The following WWOX variants were observed in gnomAD, a reference collection of about 807,000 sequenced individuals.
WWOX encodes WW domain-containing oxidoreductase.
Under a neutral mutation model 46.2 loss-of-function variants are expected in WWOX, and 69 were observed. The observed-to-expected ratio is 1.49, with a 90% CI of 1.23 to 1.82. WWOX has a LOEUF of 1.82. WWOX is among the 40% of genes most tolerant of loss of function. The probability of loss-of-function intolerance (pLI) is 0.00; values close to 1 mark genes in which losing one functional copy is unlikely to be tolerated. For synonymous variants in WWOX, 359 were observed against 202.6 expected (o/e 1.77, Z -6.56); for missense variants, 919 against 542.6 (o/e 1.69, Z -6.89).
intron 8 of WWOX, among the ~76,000 whole-genome samples, chr16:78,618,035 C>T (rs888237650): frequency 6.6e-6 from 1 of 152,144 alleles, no homozygotes; most frequent in Non-Finnish European, 1.5e-5. Context: ...ATGTAGTGTT[C>T]AGTGCTATTC....
chr16:78,545,070 C>T (rs539132983), intron 8 of WWOX, among the ~76,000 whole-genome samples: 12 of 152,268 alleles, frequency 7.9e-5, no homozygotes, highest in South Asian at 2.1e-4. Context: ...GCAAACCAAA[C>T]GTGAATTAAG....
intron 8 of WWOX, among the ~76,000 whole-genome samples, chr16:79,045,057 C>T (rs1020052278): frequency 6.6e-6 from 1 of 152,212 alleles, no homozygotes; most frequent in Non-Finnish European, 1.5e-5. Flanking sequence ...GAAAGATCAG[C>T]TCTGCTCCTG....
chr16:78,589,717 A>G (rs1227252815), intron 8 of WWOX, among the ~76,000 whole-genome samples: 1 of 152,214 alleles, frequency 6.6e-6, no homozygotes, highest in Non-Finnish European at 1.5e-5. Flanking sequence ...GTAAAACTGT[A>G]GCTTACAGTG....
chr16:78,910,619 A>T (rs964661710), intron 8 of WWOX, among the ~76,000 whole-genome samples: 2 of 152,112 alleles, frequency 1.3e-5, no homozygotes, highest in Admixed American at 1.3e-4. Context: ...TGGACTCACA[A>T]TTCCACATGG....
intron 8 of WWOX, among the ~76,000 whole-genome samples, chr16:79,067,111 C>T (rs1321399445): frequency 6.6e-6 from 1 of 152,202 alleles, no homozygotes; most frequent in African/African-American, 2.4e-5. Context: ...TAGCTGGATG[C>T]AATCCTTGGA....
intron 6 of WWOX, among the ~76,000 whole-genome samples, chr16:78,415,138 AG>A (rs2082769237): frequency 6.6e-6 from 1 of 150,398 alleles, no homozygotes; most frequent in East Asian, 1.9e-4. Context: ...ACTATAAACA[AG>A]GGGTAGATTA....
rs145178456 is a variant in WWOX, at chr16:78,844,729, A to G, written c.1057-366879A>G. Among the ~76,000 whole-genome samples, 1,281 of 152,320 alleles carry G rather than the reference A, an allele frequency of 8.4e-3. 25 individuals carry two copies. The highest frequency in any genetic ancestry group is 0.029 in the African/African-American group (1,221 of 41,568). ...TAAGCTGGGCAACTGTCTGCCTTAC[A>G]AGATGCGTCTGGAAACCCCAGTGCC... On this transcript the variant is annotated intron_variant, in intron 8 of 8. Coordinates refer to ENST00000566780, the MANE Select transcript of WWOX (RefSeq NM_016373.4).
intron 8 of WWOX, chr16:78,895,966 G>A (rs1415481161): frequency 3.3e-5 from 5 of 152,086 alleles, no homozygotes; most frequent in African/African-American, 1.2e-4. Context: ...AACATCCCAG[G>A]AAACAGATAC....
intron 8 of WWOX, among the ~76,000 whole-genome samples, chr16:78,449,743 A>T (rs1158723187): frequency 1.3e-5 from 2 of 152,226 alleles, no homozygotes; most frequent in Admixed American, 1.3e-4. Context: ...GAATAAACAA[A>T]CTGGTAGATA....
chr16:78,542,046 A>AAAAAAAAAAT (rs2043910098), intron 8 of WWOX, among the ~76,000 whole-genome samples: 1 of 145,594 alleles, frequency 6.9e-6, no homozygotes, highest in Admixed American at 6.9e-5. Context: ...AAAAAAAAAA[A>AAAAAAAAAAT]GTAAATTGCA....
At chr16:79,064,597 C>G (rs1359838530) in intron 8 of WWOX, among the ~76,000 whole-genome samples, 1 of 152,152 alleles carries the variant, frequency 6.6e-6, no homozygotes, top group African/African-American at 2.4e-5. Flanking sequence ...AATAGTTTTC[C>G]TGGAAAGACA....
intron 8 of WWOX, among the ~76,000 whole-genome samples, chr16:78,510,832 C>G (rs1449912824): frequency 3.3e-5 from 5 of 152,218 alleles, no homozygotes; most frequent in Non-Finnish European, 7.3e-5. Flanking sequence ...CTTCCATCAG[C>G]TGCTAACTTT....
In WWOX at chr16:79,088,808, G is replaced by T. The variant is rs185919509; in HGVS notation, c.1057-122800G>T. Among the ~76,000 whole-genome samples, 7 of 152,188 alleles carry T rather than the reference G, an allele frequency of 4.6e-5. No homozygotes were observed. In the East Asian group the frequency reaches 9.7e-4, roughly 21 times the overall value. ...TGCAGATATTCAAAGAGAATTCATCGTCCACCCAACGGCAAAGTCCATAGA... is the reference window on the plus strand; with the variant it reads ...TGCAGATATTCAAAGAGAATTCATCTTCCACCCAACGGCAAAGTCCATAGA... On this transcript the variant is annotated intron_variant, in intron 8 of 8. Coordinates refer to ENST00000566780, the MANE Select transcript of WWOX (RefSeq NM_016373.4).
chr16:78,629,219 C>A (rs931934986), intron 8 of WWOX, among the ~76,000 whole-genome samples: 1 of 146,032 alleles, frequency 6.8e-6, no homozygotes, highest in Non-Finnish European at 1.5e-5. Flanking sequence ...AACAGGAAGA[C>A]TTTTTCTCTT....
chr16:78,768,152 CG>C (rs1213506717), intron 8 of WWOX, among the ~76,000 whole-genome samples: 2 of 111,946 alleles, frequency 1.8e-5, no homozygotes, highest in African/African-American at 6.3e-5. Context: ...TTTTAGGCTG[CG>C]GGGCGGGGGG....
intron 5 of WWOX, among the ~76,000 whole-genome samples, chr16:78,274,069 C>A (rs755701075): frequency 6.6e-6 from 1 of 152,174 alleles, no homozygotes; most frequent in Non-Finnish European, 1.5e-5. Flanking sequence ...CAAACAAATA[C>A]ACTCCCAAAA....
intron 8 of WWOX, among the ~76,000 whole-genome samples, chr16:79,141,581 G>C (rs767285159): frequency 2.0e-5 from 3 of 152,230 alleles, no homozygotes; most frequent in Non-Finnish European, 4.4e-5. Context: ...AGAAGGTCGA[G>C]TTCTCCAAAT....
At chr16:78,332,559 A>C (rs182575685) in intron 5 of WWOX, among the ~76,000 whole-genome samples, 35 of 152,264 alleles carry the variant, frequency 2.3e-4, no homozygotes, top group African/African-American at 7.9e-4. Context: ...ACAAACATCC[A>C]TTTGTCCACC....
intron 8 of WWOX, among the ~76,000 whole-genome samples, chr16:78,822,542 A>C (rs1260019569): frequency 3.3e-5 from 5 of 152,262 alleles, no homozygotes; most frequent in African/African-American, 4.8e-5. Context: ...TGAACCAATA[A>C]AAATTCCCAT....
Sources: gnomAD v4.1 joint callset for allele counts (sites outside exome capture counted in the v4.1 genomes callset) on GRCh38, gnomAD v4.1.1 for gene constraint, MANE v1.5 for transcripts, NCBI Gene and HGNC (gene_info 2026-07-23, HGNC 2026-07-21) for gene names.